The following PRKCB variants were observed in gnomAD, a reference collection of about 807,000 sequenced individuals.
The protein encoded by PRKCB is protein kinase C beta.
A neutral mutation model predicts 81.5 loss-of-function variants in PRKCB; 13 were observed. That is an observed-to-expected ratio of 0.16 (90% CI 0.10 to 0.25). PRKCB has a LOEUF of 0.25. PRKCB is among the 10% of genes least tolerant of loss of function. The pLI is 1.00. For synonymous variants in PRKCB, 335 were observed against 321.4 expected (o/e 1.04, Z -0.45); for missense variants, 509 against 875.7 (o/e 0.58, Z 5.29).
At chr16:24,067,853 G>C (rs951735813) in intron 5 of PRKCB, among the ~76,000 whole-genome samples, 3 of 151,706 alleles carry the variant, frequency 2.0e-5, no homozygotes, top group Non-Finnish European at 4.4e-5. Flanking sequence ...TGTAATCCCA[G>C]CTACTGGGGA....
chr16:24,050,462 A>G (rs901242163), intron 5 of PRKCB, among the ~76,000 whole-genome samples: 3 of 128,266 alleles, frequency 2.3e-5, no homozygotes, highest in African/African-American at 1.2e-4. Context: ...TCTAGGTTTT[A>G]TGTAACACAC....
intron 13 of PRKCB, 109 bp from the exon 14 acceptor site, chr16:24,185,002 A>G: frequency 1.1e-6 from 1 of 913,984 alleles, no homozygotes; most frequent in Non-Finnish European, 1.8e-6. Context: ...GCTAATATAA[A>G]GAAACAGTTC....
intron 5 of PRKCB, among the ~76,000 whole-genome samples, chr16:24,086,582 TG>T (rs973182747): frequency 6.6e-6 from 1 of 152,160 alleles, no homozygotes; most frequent in African/African-American, 2.4e-5. Flanking sequence ...AGGAATAGGA[TG>T]GGGTCTCTGA....
chr16:23,971,125 G>A (rs1288030258), intron 2 of PRKCB, among the ~76,000 whole-genome samples: 1 of 152,216 alleles, frequency 6.6e-6, no homozygotes, highest in Non-Finnish European at 1.5e-5. Flanking sequence ...AATATGCAAT[G>A]AAGTATTCAC....
At chr16:24,016,411 C>T (rs1255227302) in intron 3 of PRKCB, among the ~76,000 whole-genome samples, 1 of 151,886 alleles carries the variant, frequency 6.6e-6, no homozygotes, top group Non-Finnish European at 1.5e-5. Context: ...TAAGATCACT[C>T]GTTGAAACAA....
At position 24,018,972 on chromosome 16, in the gene PRKCB, G is replaced by A. The variant is rs139289775; in HGVS notation, c.289-13164G>A. Among the ~76,000 whole-genome samples the A allele has an allele frequency of 3.9e-5, 6 of 151,956 alleles. No homozygotes were observed. In the East Asian group the frequency reaches 9.7e-4, roughly 24 times the overall value. On this transcript the variant is annotated intron_variant, in intron 3 of 16. Coordinates refer to ENST00000643927, the MANE Select transcript of PRKCB (RefSeq NM_002738.7). ...TTTGCAAATTTTTGGCCTTTTGTTT[G>A]CAGTTGTGGGCATGGCAGTACTGAT...
intron 2 of PRKCB, among the ~76,000 whole-genome samples, chr16:23,841,327 G>A (rs956172572): frequency 6.6e-6 from 1 of 151,938 alleles, no homozygotes; most frequent in Non-Finnish European, 1.5e-5. Flanking sequence ...TGATCCACCC[G>A]CCTCGGACTC....
chr16:23,924,215 C>G (rs1486877132), intron 2 of PRKCB, among the ~76,000 whole-genome samples: 4 of 152,062 alleles, frequency 2.6e-5, no homozygotes, highest in Admixed American at 2.6e-4. Flanking sequence ...TCACTCTTCT[C>G]TCTCCCGTAG....
At chr16:23,919,741 A>G (rs779496436) in intron 2 of PRKCB, among the ~76,000 whole-genome samples, 3 of 150,190 alleles carry the variant, frequency 2.0e-5, no homozygotes, top group Non-Finnish European at 4.4e-5. Flanking sequence ...GGTATCTCAT[A>G]TAAGTGGAAT....
intron 12 of PRKCB, among the ~76,000 whole-genome samples, chr16:24,175,887 A>C (rs570088514): frequency 1.3e-5 from 2 of 151,792 alleles, no homozygotes; most frequent in Admixed American, 1.3e-4. Flanking sequence ...TGGGAGGATC[A>C]ATTGAGCCCA....
intron 3 of PRKCB, 126 bp downstream of exon 3, chr16:23,988,716 A>G (rs1002094315): frequency 1.9e-5 from 16 of 856,438 alleles, no homozygotes; most frequent in Non-Finnish European, 2.5e-5. Context: ...GGTGGTCCCT[A>G]TAGCTTTTGA....
At chr16:23,996,657 C>G (rs1056151386) in intron 3 of PRKCB, among the ~76,000 whole-genome samples, 1 of 152,228 alleles carries the variant, frequency 6.6e-6, no homozygotes, top group Admixed American at 6.5e-5. Flanking sequence ...GCTTTATTCA[C>G]TGTTATGAAA....
intron 2 of PRKCB, among the ~76,000 whole-genome samples, chr16:23,909,210 T>C (rs1047111188): frequency 6.6e-6 from 1 of 152,196 alleles, no homozygotes; most frequent in Non-Finnish European, 1.5e-5. Flanking sequence ...ACTGGGTAAA[T>C]AGGCCACATT....
chr16:23,976,200 T>C (rs1964623189), intron 2 of PRKCB, among the ~76,000 whole-genome samples: 1 of 152,030 alleles, frequency 6.6e-6, no homozygotes, highest in Non-Finnish European at 1.5e-5. Context: ...ACTAGGGATG[T>C]TAAGTGGGAG....
chr16:23,912,507 CTTTTTTTTTT>C (rs1210105406), intron 2 of PRKCB, among the ~76,000 whole-genome samples: 2 of 72,078 alleles, frequency 2.8e-5, no homozygotes, highest in Non-Finnish European at 4.7e-5. Context: ...TTTCTTTCTT[CTTTTTTTTTT>C]TTTTTTTTTT....
chr16:24,060,312 C>G (rs1965956798), intron 5 of PRKCB, among the ~76,000 whole-genome samples: 1 of 152,132 alleles, frequency 6.6e-6, no homozygotes, highest in Admixed American at 6.5e-5. Context: ...ACAAGAATGT[C>G]TCTCAGGGCC....
At chr16:23,930,789 A>G (rs374382656) in intron 2 of PRKCB, among the ~76,000 whole-genome samples, 10 of 152,154 alleles carry the variant, frequency 6.6e-5, no homozygotes, top group African/African-American at 2.4e-4. Flanking sequence ...AATACACGAC[A>G]CATAGATAAC....
chr16:23,913,199 G>A (rs776657545), intron 2 of PRKCB, among the ~76,000 whole-genome samples: 4 of 152,102 alleles, frequency 2.6e-5, no homozygotes, highest in Admixed American at 6.5e-5. Context: ...GAAAGCAGGT[G>A]TACCGAGAGG....
chr16:24,153,390 CA>C (rs1340734975), intron 9 of PRKCB, among the ~76,000 whole-genome samples: 1 of 152,156 alleles, frequency 6.6e-6, no homozygotes, highest in Non-Finnish European at 1.5e-5. Flanking sequence ...ATTGTTTGGT[CA>C]GTAGAAAAGT....
Sources: gnomAD v4.1 joint callset for allele counts (sites outside exome capture counted in the v4.1 genomes callset) on GRCh38, gnomAD v4.1.1 for gene constraint, MANE v1.5 for transcripts, NCBI Gene and HGNC (gene_info 2026-07-23, HGNC 2026-07-21) for gene names.